COL16A1: variants seen among roughly 807,000 people sequenced by gnomAD.
COL16A1 encodes collagen type XVI alpha 1 chain, also known as collagen alpha-1(XVI) chain.
Under a neutral mutation model 266.3 loss-of-function variants are expected in COL16A1, and 189 were observed. That is an observed-to-expected ratio of 0.71 (90% CI 0.63 to 0.80). The LOEUF (loss-of-function observed/expected upper bound fraction) is 0.80, where lower values mean the gene tolerates loss of function less well. COL16A1 is among the 30% of genes least tolerant of loss of function. The pLI, the probability that COL16A1 is intolerant of heterozygous loss-of-function variation, is 0.00. For synonymous variants in COL16A1, 740 were observed against 782.3 expected (o/e 0.95, Z 0.90); for missense variants, 1,928 against 2,122.4 (o/e 0.91, Z 1.80).
In COL16A1 at chr1:31,653,926, G is replaced by A. The variant is rs199792674; in HGVS notation, c.4475C>T (p.Ser1492Leu). ...GAPGRPGAPG[S>L]PGLPGQIGRE... ...GCCAATCTGACCAGGGAGCCCAGGT[G>A]ACCCTGGAGCACCTGGCCTGCCCGG... is the stretch of plus-strand genomic sequence containing the variant. The change falls in exon 69 of 71, where the codon TCA becomes TTA. Residue 1492 changes from serine (S) to leucine (L), a missense_variant. This residue lies in a region of COL16A1 where 376 missense variants were observed against 485.2 expected (regional missense o/e 0.77). Coordinates refer to ENST00000373672, the MANE Select transcript of COL16A1 (RefSeq NM_001856.4). 331 of 1,614,128 alleles carry A rather than the reference G, an allele frequency of 2.1e-4. No individual in the cohort carries two copies. The highest frequency in any genetic ancestry group is 8.3e-4 in the Admixed American group (50 of 60,016).
At position 31,668,704 on chromosome 1, in the gene COL16A1, A is replaced by G; in HGVS notation, c.3249+98T>C. The G allele has an allele frequency of 7.5e-7, 1 of 1,337,404 alleles. No homozygotes were observed. Among genetic ancestry groups the G allele is most frequent in the East Asian group, 2.3e-5 (1 of 43,368 alleles). The allele number at this position is 1,337,404 out of a possible 1,614,324, so 82.8% of individuals were successfully genotyped here. On this transcript the variant is annotated intron_variant, in intron 50 of 70. Transcript: ENST00000373672. The surrounding 1 kb of genome is among the most constrained non-coding windows in gnomAD (Gnocchi z 5.8). ...GAGAGTCTCAAGGAGTCCACCTCCC[A>G]GCTTCCACTCAGCAGCCACCCTTCA... is the stretch of plus-strand genomic sequence containing the variant.
intron 66 of COL16A1, 172 bp from the exon 67 acceptor site, chr1:31,655,674 G>A: frequency 1.8e-6 from 2 of 1,120,974 alleles, no homozygotes; most frequent in Non-Finnish European, 2.5e-6. Flanking sequence ...CTAGAAGACA[G>A]TTCTCCTGGT....
intron 69 of COL16A1, 89 bp from the exon 70 acceptor site, chr1:31,653,765 AC>A: frequency 6.3e-7 from 1 of 1,575,288 alleles, no homozygotes; most frequent in African/African-American, 1.4e-5. Flanking sequence ...ACACACACAC[AC>A]ACACACACAT....
At chr1:31,691,139 C>T (rs768928788) in intron 20 of COL16A1, 49 bp downstream of exon 20, 3 of 1,596,872 alleles carry the variant, frequency 1.9e-6, no homozygotes, top group South Asian at 2.3e-5. Flanking sequence ...CTCTCTCCTC[C>T]TGTCAAGCAT....
chr1:31,654,971 CTTTTTTTTTTTTTTTT>C (rs10586841), intron 67 of COL16A1, 113 bp from the exon 68 acceptor site: 12 of 414,404 alleles, frequency 2.9e-5, no homozygotes, highest in African/African-American at 1.6e-4. Flanking sequence ...CCCACAGATT[CTTTTTTTTTTTTTTTT>C]TTTTTTTTTT....
chr1:31,683,027 C>T (rs768143562), intron 36 of COL16A1, 25 bp from the exon 37 acceptor site: 3 of 1,613,846 alleles, frequency 1.9e-6, no homozygotes, highest in Middle Eastern at 1.7e-4. Flanking sequence ...GTACAAAGGT[C>T]TCAGGGGCAG....
rs377302775 is a variant in COL16A1, at chr1:31,652,558, AC to A, written c.*92del. 0.01 allele frequency: 11,630 copies of A among 1,150,278 alleles called. 3 individuals carry two copies. Among genetic ancestry groups the A allele is most frequent in the South Asian group, 0.017 (659 of 38,468 alleles). The allele number at this position is 1,150,278 out of a possible 1,614,324, so 71.3% of individuals were successfully genotyped here. A position where few individuals can be genotyped will look rare whatever the true frequency, so the allele number is the denominator to read the frequency against. On this transcript the variant is annotated 3_prime_UTR_variant, in exon 71 of 71. Coordinates refer to ENST00000373672, the MANE Select transcript of COL16A1 (RefSeq NM_001856.4). The surrounding 1 kb of genome is among the most constrained non-coding windows in gnomAD (Gnocchi z 4.8). ...ACAGCAATTAAAAACAACAACAACA[AC>A]AAAAAAAACATTCACAACCTGTCAC...
At position 31,697,900 on chromosome 1, in the gene COL16A1, A is replaced by T; in HGVS notation, c.657+6T>A. 2 of 1,607,452 alleles carry T rather than the reference A, an allele frequency of 1.2e-6. No homozygotes were observed. Among genetic ancestry groups the T allele is most frequent in the Non-Finnish European group, 1.7e-6 (2 of 1,176,810 alleles). On this transcript the variant is annotated splice_donor_region_variant and intron_variant, in intron 6 of 70. Transcript: ENST00000373672. This position sits in a 1 kb window ranked among gnomAD's most constrained non-coding sequence, Gnocchi z 4.2. The stretch of plus-strand genomic sequence containing the variant: ...AACAGAGGTCAGGGCCTGACCTAGC[A>T]CTCACCGAGACAGGCTTGCCCTGCT...
At chr1:31,690,807 C>G (rs770043366) in intron 20 of COL16A1, among the ~76,000 whole-genome samples, 5 of 152,154 alleles carry the variant, frequency 3.3e-5, no homozygotes, top group Non-Finnish European at 5.9e-5. Flanking sequence ...TTCACTGGTG[C>G]ACAGGTTAAG....
chr1:31,690,561 T>C lies in COL16A1; in HGVS notation c.1450A>G (p.Ile484Val). Reference protein sequence around the residue: ...GPKGDKGSSGIPGKEGPGGKP... With the variant: ...GPKGDKGSSGVPGKEGPGGKP... The stretch of plus-strand genomic sequence containing the variant: ...CCACCAGGGCCTTCCTTTCCTGGGA[T>C]CCCCGAGCTGCCCTGTGGTCAGAAG... The change falls in exon 21 of 71, where the codon ATC (isoleucine) becomes GTC (valine). Residue 484 changes from isoleucine (I) to valine (V), a missense_variant. Around this residue, in one of 2 missense-constraint regions of COL16A1, gnomAD observed 1,552 missense variants for 1,637.2 expected, o/e 0.95. Transcript: ENST00000373672. The C allele has an allele frequency of 6.2e-7, 1 of 1,613,426 alleles. No homozygotes were observed. Among genetic ancestry groups the C allele is most frequent in the South Asian group, 1.1e-5 (1 of 91,054 alleles).
At chr1:31,666,129 AGGAT>A in intron 52 of COL16A1, 48 bp from the exon 53 acceptor site, 1 of 1,555,550 alleles carries the variant, frequency 6.4e-7, no homozygotes, top group South Asian at 1.1e-5. Flanking sequence ...GGGGAGGTGA[AGGAT>A]GAGGTAGGGG....
intron 12 of COL16A1, 64 bp from the exon 13 acceptor site, chr1:31,693,218 C>G (rs1378129284): frequency 4.7e-6 from 5 of 1,054,788 alleles, no homozygotes; most frequent in Non-Finnish European, 7.4e-6. Context: ...TGAGAAAGCT[C>G]TCCCCACTTC....
intron 52 of COL16A1, 59 bp downstream of exon 52, chr1:31,667,516 C>T: frequency 1.4e-6 from 2 of 1,441,612 alleles, no homozygotes; most frequent in Non-Finnish European, 1.9e-6. Context: ...AGTCTCCAGC[C>T]CGAGACTGTG....
At chr1:31,679,310 T>G in intron 42 of COL16A1, 1 of 1,152,050 alleles carries the variant, frequency 8.7e-7, no homozygotes, top group Non-Finnish European at 1.2e-6. Context: ...ACATGTTGCA[T>G]GAATGAGTGT....
At position 31,665,602 on chromosome 1, in the gene COL16A1, G is replaced by T. The variant is rs1380800925; in HGVS notation, c.3473C>A (p.Pro1158Gln). 10 of 1,614,062 alleles carry T rather than the reference G, an allele frequency of 6.2e-6. No homozygotes were observed. Among genetic ancestry groups the T allele is most frequent in the Non-Finnish European group, 5.9e-6 (7 of 1,179,980 alleles). The part of the protein sequence containing the change: ...EKGDQGFQGQ[P>Q]GFPGPPGPPG... ...ACTCACCGGTGGGCCCGGAAAGCCT[G>T]GCTGGCCTTGAAATCCCTAGGGTGA... Residue 1158 changes from proline (P) to glutamine (Q), a missense_variant, in exon 55 of 71, where the codon CCA becomes CAA. By Grantham distance (76) the Pro-to-Gln change is moderately conservative. Transcript: ENST00000373672.
At position 31,697,794 on chromosome 1, in the gene COL16A1, A is replaced by G; in HGVS notation, c.657+112T>C. On this transcript the variant is annotated intron_variant, in intron 6 of 70. Transcript: ENST00000373672. The surrounding 1 kb of genome is among the most constrained non-coding windows in gnomAD (Gnocchi z 4.2). ...GGCTGCATTTGGAGGGCAACAGGAAAGCAGGGGAAGATTCTAAGCAGGAGA... is the reference window on the plus strand; with the variant it reads ...GGCTGCATTTGGAGGGCAACAGGAAGGCAGGGGAAGATTCTAAGCAGGAGA... The G allele has an allele frequency of 7.7e-7, 1 of 1,305,390 alleles. No homozygotes were observed. Among genetic ancestry groups the G allele is most frequent in the South Asian group, 1.4e-5 (1 of 70,466 alleles). 80.9% of individuals were successfully genotyped at this position (1,305,390 alleles called of 1,614,324 possible).
At position 31,654,047 on chromosome 1, in the gene COL16A1, T is replaced by TA. The variant is rs754669902; in HGVS notation, c.4358-5dup. The TA allele has an allele frequency of 1.1e-5, 18 of 1,610,640 alleles. 1 individual carries two copies. The highest frequency in any genetic ancestry group is 1.7e-4 in the Middle Eastern group (1 of 6,052). ...GAGGTGTAGTAAGCCATTCTCTCTG[T>TA]AAAAAAAGGACAAGGACAGGGACAG... On this transcript the variant is annotated splice_region_variant and splice_polypyrimidine_tract_variant and intron_variant, in intron 68 of 70. Coordinates refer to ENST00000373672, the MANE Select transcript of COL16A1 (RefSeq NM_001856.4).
intron 2 of COL16A1, among the ~76,000 whole-genome samples, chr1:31,701,848 G>A (rs1014745715): frequency 5.9e-5 from 9 of 152,104 alleles, no homozygotes; most frequent in Non-Finnish European, 1.2e-4. Context: ...AGAGACACAG[G>A]AATACATACG....
Position 31,698,356 on chromosome 1 carries a change from G to A in COL16A1, c.390+127C>T. 6.5e-7 allele frequency: 1 copy of A among 1,534,622 alleles called. No individual in the cohort carries two copies. Among genetic ancestry groups the A allele is most frequent in the Non-Finnish European group, 8.8e-7 (1 of 1,135,056 alleles). On this transcript the variant is annotated intron_variant, in intron 5 of 70. Transcript: ENST00000373672. This position sits in a 1 kb window ranked among gnomAD's most constrained non-coding sequence, Gnocchi z 4.1. The stretch of plus-strand genomic sequence containing the variant: ...ATGAGGTAGGTACTGGTGGGCTGGG[G>A]ACAGGCTTGAGGGTAGGCACAGGAT...
Sources: gnomAD v4.1 joint callset for allele counts (sites outside exome capture counted in the v4.1 genomes callset) on GRCh38, gnomAD v4.1.1 for gene constraint, gnomAD v4.1.1 regional missense constraint, Gnocchi (gnomAD v3.1) non-coding constraint, MANE v1.5 for transcripts, NCBI Gene and HGNC (gene_info 2026-07-23, HGNC 2026-07-21) for gene names.